The following CCDC85A variants were observed in gnomAD, a reference collection of about 807,000 sequenced individuals.
CCDC85A encodes coiled-coil domain-containing protein 85A.
Under a neutral mutation model 50.2 loss-of-function variants are expected in CCDC85A, and 38 were observed. The observed-to-expected ratio is 0.76, with a 90% CI of 0.58 to 0.99. The LOEUF (loss-of-function observed/expected upper bound fraction) is 0.99. CCDC85A is among the 50% of genes least tolerant of loss of function. The pLI, the probability that CCDC85A is intolerant of heterozygous loss-of-function variation, is 0.00. For synonymous variants in CCDC85A, 366 were observed against 301.4 expected, an observed-to-expected ratio of 1.21 and a Z score of -2.22; for missense variants, 820 against 742.0, an observed-to-expected ratio of 1.11 and a Z score of -1.22.
At chr2:56,232,826 A>G (rs954223474) in intron 2 of CCDC85A, among the ~76,000 whole-genome samples, 2 of 152,006 alleles carry the variant, frequency 1.3e-5, no homozygotes, top group Non-Finnish European at 1.5e-5. Context: ...TGCCTGCACA[A>G]TTTCATTTAG....
At chr2:56,249,567 T>G (rs1420104905) in intron 2 of CCDC85A, among the ~76,000 whole-genome samples, 4 of 152,236 alleles carry the variant, frequency 2.6e-5, no homozygotes, top group African/African-American at 9.6e-5. Flanking sequence ...GTCAGCAGCT[T>G]TATTTAGATC....
At chr2:56,372,253 A>G (rs1046295632) in intron 3 of CCDC85A, 91 bp from the exon 4 acceptor site, 1 of 1,302,210 alleles carries the variant, frequency 7.7e-7, no homozygotes, top group Non-Finnish European at 1.0e-6. Flanking sequence ...ATTGTGGTTC[A>G]TCTCATTAAG....
chr2:56,361,889 G>T (rs2104370084), intron 3 of CCDC85A, among the ~76,000 whole-genome samples: 1 of 152,308 alleles, frequency 6.6e-6, no homozygotes. Context: ...AGAAGGTAGA[G>T]ACAGGGAGAG....
chr2:56,369,050 G>A (rs1011398777), intron 3 of CCDC85A, among the ~76,000 whole-genome samples: 1 of 151,952 alleles, frequency 6.6e-6, no homozygotes, highest in African/African-American at 2.4e-5. Flanking sequence ...ATCAAATTCT[G>A]AGTGATCATC....
intron 2 of CCDC85A, among the ~76,000 whole-genome samples, chr2:56,259,904 T>A (rs1670148191): frequency 6.6e-6 from 1 of 152,204 alleles, no homozygotes; most frequent in African/African-American, 2.4e-5. Context: ...AAGGGCCAGG[T>A]TGATAGCTGG....
intron 2 of CCDC85A, among the ~76,000 whole-genome samples, chr2:56,217,388 G>GT (rs1558589154): frequency 6.6e-6 from 1 of 151,840 alleles, no homozygotes; most frequent in East Asian, 1.9e-4. Context: ...GTGCTTCACA[G>GT]TTTGCATTTT....
intron 2 of CCDC85A, among the ~76,000 whole-genome samples, chr2:56,289,347 TG>T (rs1385140445): frequency 3.9e-5 from 6 of 152,104 alleles, no homozygotes; most frequent in African/African-American, 7.2e-5. Context: ...TCCAACATAG[TG>T]TAAGTATTCT....
Position 56,192,980 on chromosome 2 carries a change from G to A in CCDC85A, c.780G>A (p.Gln260=). 1.9e-6 allele frequency: 3 copies of A among 1,613,218 alleles called. No homozygotes were observed. The highest frequency in any genetic ancestry group is 2.5e-6 in the Non-Finnish European group (3 of 1,179,708). Residue 260 remains glutamine, a synonymous_variant, in exon 2 of 6, where the codon CAG becomes CAA. Coordinates refer to ENST00000407595, the MANE Select transcript of CCDC85A (RefSeq NM_001080433.2). The surrounding 1 kb of genome is among the most constrained non-coding windows in gnomAD (Gnocchi z 4.7). ...KHRSASPEHP[Q]KPRACGTPDR... The stretch of plus-strand genomic sequence containing the variant: ...GGAGCGCCAGCCCCGAGCATCCACA[G>A]AAACCCAGAGCCTGTGGAACCCCAG...
At chr2:56,194,554 T>C (rs768445585) in intron 2 of CCDC85A, among the ~76,000 whole-genome samples, 3 of 152,208 alleles carry the variant, frequency 2.0e-5, no homozygotes, top group Admixed American at 1.3e-4. Flanking sequence ...GTTTTAGCAG[T>C]GACAAGAAGG....
intron 2 of CCDC85A, among the ~76,000 whole-genome samples, chr2:56,262,554 C>T (rs1332396920): frequency 6.6e-6 from 1 of 152,140 alleles, no homozygotes; most frequent in African/African-American, 2.4e-5. Flanking sequence ...GTGTCTTCAC[C>T]TCACTGGGAG....
At chr2:56,318,232 G>A (rs905945627) in intron 2 of CCDC85A, among the ~76,000 whole-genome samples, 1 of 151,822 alleles carries the variant, frequency 6.6e-6, no homozygotes, top group Non-Finnish European at 1.5e-5. Flanking sequence ...TCCTTCCATC[G>A]ATGGCCTGTG....
At position 56,184,232 on chromosome 2, in the gene CCDC85A, A is replaced by C. The variant is rs1254528031; in HGVS notation, c.-393A>C. On this transcript the variant is annotated 5_prime_UTR_variant, in exon 1 of 6. Transcript: ENST00000407595. ...GTGCGTGCACGCCTGTGTGCAGGGC[A>C]GAGAGTGCGGGGGGCGACAGTCTCG... 1 of 972,584 alleles carries C rather than the reference A, an allele frequency of 1.0e-6. No individual in the cohort carries two copies. Among genetic ancestry groups the C allele is most frequent in the Non-Finnish European group, 1.2e-6 (1 of 812,710 alleles). The allele number at this position is 972,584 out of a possible 1,614,324, so 60.2% of individuals were successfully genotyped here. A position where few individuals can be genotyped will look rare whatever the true frequency, so the allele number is the denominator to read the frequency against.
In CCDC85A at chr2:56,375,991, C is replaced by T. The variant is rs556206050; in HGVS notation, c.1572+56C>T. ...AGCTTCAGTTGTGTCGTCGCTTGTT[C>T]GCTGTAGTCTAGTAGTCCTCACAGT... On this transcript the variant is annotated intron_variant, in intron 5 of 5. Coordinates refer to ENST00000407595, the MANE Select transcript of CCDC85A (RefSeq NM_001080433.2). 7.2e-5 allele frequency: 114 copies of T among 1,584,160 alleles called. 1 individual carries two copies. The highest frequency in any genetic ancestry group is 4.2e-4 in the Admixed American group (24 of 57,042).
intron 5 of CCDC85A, among the ~76,000 whole-genome samples, chr2:56,379,295 G>A (rs1489920743): frequency 6.6e-6 from 1 of 152,074 alleles, no homozygotes; most frequent in Admixed American, 6.5e-5. Context: ...CCTGGGTTTT[G>A]ACCAGTTTCA....
intron 3 of CCDC85A, among the ~76,000 whole-genome samples, chr2:56,355,395 G>A (rs924314721): frequency 1.3e-5 from 2 of 152,124 alleles, no homozygotes; most frequent in African/African-American, 2.4e-5. Flanking sequence ...CTTAATTCAC[G>A]TGTGTCTATA....
intron 5 of CCDC85A, among the ~76,000 whole-genome samples, chr2:56,382,447 C>G (rs1228874576): frequency 2.6e-5 from 4 of 151,928 alleles, no homozygotes; most frequent in Non-Finnish European, 4.4e-5. Flanking sequence ...ATGTAGTTAG[C>G]TATTCTCTTC....
chr2:56,236,488 A>G (rs1001896763), intron 2 of CCDC85A, among the ~76,000 whole-genome samples: 11 of 152,200 alleles, frequency 7.2e-5, no homozygotes, highest in Non-Finnish European at 1.5e-4. Flanking sequence ...GAAAGAGGAG[A>G]TGAGAGGATT....
At chr2:56,327,338 GA>G (rs1243420659) in intron 2 of CCDC85A, among the ~76,000 whole-genome samples, 1 of 152,066 alleles carries the variant, frequency 6.6e-6, no homozygotes, top group Non-Finnish European at 1.5e-5. Flanking sequence ...AATATGCCTG[GA>G]CAGTCACAGA....
At chr2:56,261,518 A>T (rs1040443907) in intron 2 of CCDC85A, among the ~76,000 whole-genome samples, 2 of 152,048 alleles carry the variant, frequency 1.3e-5, no homozygotes, top group African/African-American at 4.8e-5. Context: ...TTGTATTCCC[A>T]CAATGTGTGC....
Sources: gnomAD v4.1 joint callset for allele counts (sites outside exome capture counted in the v4.1 genomes callset) on GRCh38, gnomAD v4.1.1 for gene constraint, Gnocchi (gnomAD v3.1) non-coding constraint, MANE v1.5 for transcripts, NCBI Gene and HGNC (gene_info 2026-07-23, HGNC 2026-07-21) for gene names.